The following SSH2 variants were observed in gnomAD, a reference collection of about 807,000 sequenced individuals.
SSH2 encodes the protein slingshot protein phosphatase 2.
In SSH2, 37 loss-of-function variants were observed where a neutral mutation model predicts 135.2. The ratio of observed to expected loss-of-function variants is 0.27; its 90% CI spans 0.21 to 0.36. SSH2 has a LOEUF of 0.36. Ranked by LOEUF, SSH2 falls within the 10% of genes least tolerant of loss-of-function variation. SSH2 has a pLI of 1.00. For synonymous variants in SSH2, 628 were observed against 646.2 expected, an observed-to-expected ratio of 0.97 and a Z score of 0.43; for missense variants, 1,408 against 1,765.3, an observed-to-expected ratio of 0.80 and a Z score of 3.63.
At chr17:29,774,522 C>T (rs1433797024) in intron 3 of SSH2, among the ~76,000 whole-genome samples, 1 of 152,202 alleles carries the variant, frequency 6.6e-6, no homozygotes, top group East Asian at 1.9e-4. Context: ...GCCTTGGCCT[C>T]CCAAAGTGTT....
chr17:29,671,793 G>A (rs941623950), intron 9 of SSH2, 142 bp downstream of exon 9: 3 of 674,636 alleles, frequency 4.4e-6, no homozygotes, highest in Non-Finnish European at 7.4e-6. Context: ...TTCATATGTG[G>A]CAGACACGTG....
At position 29,684,543 on chromosome 17, in the gene SSH2, T is replaced by G; in HGVS notation, c.479+20A>C. 6.3e-7 allele frequency: 1 copy of G among 1,593,402 alleles called. No individual in the cohort carries two copies. The highest frequency in any genetic ancestry group is 8.5e-7 in the Non-Finnish European group (1 of 1,173,386). On this transcript the variant is annotated intron_variant, in intron 6 of 15. Transcript: ENST00000540801. ...TTACTTAAAAAGCAGTTTTCACATT[T>G]TGAAATGGTACCACCATACCTGTCA...
intron 1 of SSH2, among the ~76,000 whole-genome samples, chr17:29,887,754 G>T (rs1356235144): frequency 6.6e-6 from 1 of 152,138 alleles, no homozygotes; most frequent in Non-Finnish European, 1.5e-5. Flanking sequence ...CTTTTAAATG[G>T]TCTTCTGCAG....
In SSH2 at chr17:29,698,415, T is replaced by TTATATG. The variant is rs1185151863; in HGVS notation, c.293-2893_293-2892insCATATA. On this transcript the variant is annotated intron_variant, in intron 4 of 15. Transcript: ENST00000540801. ...AAAGAACAAGTATGAGGAGACAAAGTGTTAGGTATAAACAGTGAAAAGCTA... is the reference window on the plus strand; with the variant it reads ...AAAGAACAAGTATGAGGAGACAAAGTTATATGGTTAGGTATAAACAGTGAAAAGCTA... Among the ~76,000 whole-genome samples, 4 of 152,302 alleles carry TTATATG rather than the reference T, an allele frequency of 2.6e-5. No homozygotes were observed. The South Asian group carries it at 6.2e-4, about 24-fold the overall frequency.
chr17:29,918,251 G>A (rs1035137518), intron 1 of SSH2, among the ~76,000 whole-genome samples: 1 of 152,118 alleles, frequency 6.6e-6, no homozygotes, highest in Non-Finnish European at 1.5e-5. Context: ...CTAAGGGCAG[G>A]GGGGTGGAAT....
intron 1 of SSH2, among the ~76,000 whole-genome samples, chr17:29,924,886 T>C (rs533614368): frequency 1.3e-5 from 2 of 152,308 alleles, no homozygotes; most frequent in African/African-American, 2.4e-5. Flanking sequence ...TAGTCAAGGT[T>C]GCAATATAAA....
At chr17:29,676,697 A>C (rs1236105031) in intron 8 of SSH2, 123 bp downstream of exon 8, 1 of 767,896 alleles carries the variant, frequency 1.3e-6, no homozygotes, top group African/African-American at 1.7e-5. Flanking sequence ...TTTAACTACG[A>C]TGGTTATACA....
At chr17:29,657,833 C>T (rs537293401) in intron 11 of SSH2, among the ~76,000 whole-genome samples, 7 of 151,982 alleles carry the variant, frequency 4.6e-5, no homozygotes, top group South Asian at 2.1e-4. Flanking sequence ...ACCTTGGCCT[C>T]CCAAAATTTG....
intron 3 of SSH2, among the ~76,000 whole-genome samples, chr17:29,703,498 C>T (rs551147064): frequency 7.2e-5 from 11 of 152,318 alleles, no homozygotes; most frequent in East Asian, 5.8e-4. Context: ...CCGCCCACCT[C>T]GGCCTCCCAA....
chr17:29,902,546 C>T (rs1332271451), intron 1 of SSH2, among the ~76,000 whole-genome samples: 2 of 152,026 alleles, frequency 1.3e-5, no homozygotes, highest in East Asian at 3.9e-4. Context: ...AAAAAAAACC[C>T]CAATAATTTG....
At chr17:29,817,287 T>A (rs1486111088) in intron 2 of SSH2, among the ~76,000 whole-genome samples, 1 of 152,200 alleles carries the variant, frequency 6.6e-6, no homozygotes, top group African/African-American at 2.4e-5. Context: ...AAGGCTCCCA[T>A]ATACCTTACC....
chr17:29,682,780 A>G (rs971627551), intron 6 of SSH2, among the ~76,000 whole-genome samples: 1 of 152,216 alleles, frequency 6.6e-6, no homozygotes, highest in Non-Finnish European at 1.5e-5. Flanking sequence ...TAAAATCCTA[A>G]TGAATGTAAA....
intron 3 of SSH2, among the ~76,000 whole-genome samples, chr17:29,786,130 G>C (rs1283152235): frequency 6.6e-6 from 1 of 152,158 alleles, no homozygotes; most frequent in African/African-American, 2.4e-5. Flanking sequence ...TTATTTTCCT[G>C]GCTATTCCCC....
intron 2 of SSH2, among the ~76,000 whole-genome samples, chr17:29,844,227 C>G (rs1052798539): frequency 1.3e-5 from 2 of 152,092 alleles, no homozygotes; most frequent in African/African-American, 4.8e-5. Flanking sequence ...AATAGTATGA[C>G]TATTCTATAT....
intron 1 of SSH2, among the ~76,000 whole-genome samples, chr17:29,885,524 C>T (rs2066221526): frequency 6.6e-6 from 1 of 152,014 alleles, no homozygotes; most frequent in African/African-American, 2.4e-5. Flanking sequence ...ACCAGAAACA[C>T]CAATCCTTGA....
At chr17:29,642,723 T>C (rs976392092) in intron 14 of SSH2, among the ~76,000 whole-genome samples, 7 of 152,218 alleles carry the variant, frequency 4.6e-5, no homozygotes, top group African/African-American at 1.7e-4. Flanking sequence ...CTCTTAATGA[T>C]ATACTGGGAG....
rs754990799 is a variant in SSH2, at chr17:29,632,030, C to T, written c.3164G>A (p.Ser1055Asn). The T allele has an allele frequency of 2.5e-6, 4 of 1,614,128 alleles. No homozygotes were observed. Among genetic ancestry groups the T allele is most frequent in the Admixed American group, 1.7e-5 (1 of 60,012 alleles). The change falls in exon 16 of 16, where the codon AGT becomes AAT. Residue 1055 changes from serine (S) to asparagine (N), a missense_variant. Ser to Asn is a conservative substitution (Grantham distance 46). Around this residue, in one of 3 missense-constraint regions of SSH2, gnomAD observed 1,080 missense variants for 1,144.5 expected, o/e 0.94. Transcript: ENST00000540801. ...GCTCTTCTCACTGGTGGCTATTTCA[C>T]TCCCTGGCCCAGTGTGATTGGGTGA... ...VTSPNHTGPG[S>N]EIATSEKSGE...
chr17:29,930,023 G>T lies in SSH2; in HGVS notation c.-23C>A. 1 of 1,585,352 alleles carries T rather than the reference G, an allele frequency of 6.3e-7. No homozygotes were observed. Among genetic ancestry groups the T allele is most frequent in the South Asian group, 1.2e-5 (1 of 86,820 alleles). ...CATCTAGGCGCTGCTGGGTTGTTCC[G>T]GGCAGGGCATTCTTGTCCTGAGTGT... On this transcript the variant is annotated 5_prime_UTR_variant, in exon 1 of 16. Coordinates refer to ENST00000540801, the MANE Select transcript of SSH2 (RefSeq NM_001282129.2).
chr17:29,881,579 G>A (rs1271275507), intron 1 of SSH2, among the ~76,000 whole-genome samples: 1 of 151,878 alleles, frequency 6.6e-6, no homozygotes, highest in African/African-American at 2.4e-5. Flanking sequence ...TTGGCTCACT[G>A]CAACCTCTGC....
Sources: allele counts gnomAD v4.1 joint callset (sites outside exome capture counted in the v4.1 genomes callset), GRCh38; gene constraint gnomAD v4.1.1; regional missense constraint gnomAD v4.1.1; transcripts MANE v1.5; gene names NCBI Gene and HGNC (gene_info 2026-07-23, HGNC 2026-07-21).